The following GJA1 variants were observed in gnomAD, a reference collection of about 807,000 sequenced individuals.
GJA1 encodes the protein gap junction alpha-1 protein.
GJA1 carries 9 observed loss-of-function variants against 31.0 expected under a neutral mutation model. The observed-to-expected ratio is 0.29, with a 90% CI of 0.17 to 0.51. The LOEUF (loss-of-function observed/expected upper bound fraction) is 0.51. Ranked by LOEUF, GJA1 falls within the 20% of genes least tolerant of loss-of-function variation. The probability of loss-of-function intolerance (pLI) is 0.98; values close to 1 mark genes in which losing one functional copy is unlikely to be tolerated. For missense variants in GJA1, 278 were observed against 468.8 expected, an observed-to-expected ratio of 0.59 and a Z score of 3.76; for synonymous variants, 186 against 180.1, an observed-to-expected ratio of 1.03 and a Z score of -0.26.
At chr6:121,444,153 A>G (rs1409498574) in intron 1 of GJA1, among the ~76,000 whole-genome samples, 1 of 152,044 alleles carries the variant, frequency 6.6e-6, no homozygotes, top group Non-Finnish European at 1.5e-5. Context: ...TTCCTTGGCT[A>G]TTCAACTGTC....
At chr6:121,436,140 T>C (rs1217398597) in intron 1 of GJA1, among the ~76,000 whole-genome samples, 2 of 147,878 alleles carry the variant, frequency 1.4e-5, no homozygotes, top group African/African-American at 5.0e-5. Flanking sequence ...TATTTTGTTT[T>C]TTTTTTGTAA....
At chr6:121,445,561 A>G (rs1332420087) in intron 1 of GJA1, among the ~76,000 whole-genome samples, 2 of 144,626 alleles carry the variant, frequency 1.4e-5, no homozygotes, top group Non-Finnish European at 3.0e-5. Context: ...CCAGTAAGGG[A>G]ACTTTAAAGT....
intron 1 of GJA1, 137 bp from the exon 2 acceptor site, chr6:121,446,695 C>T (rs1476008031): frequency 2.8e-6 from 2 of 725,678 alleles, no homozygotes; most frequent in African/African-American, 3.5e-5. Context: ...GAAGAGTTTG[C>T]ACTTGGTTTT....
chr6:121,442,488 G>T (rs536118168), intron 1 of GJA1, among the ~76,000 whole-genome samples: 73 of 152,162 alleles, frequency 4.8e-4, no homozygotes, highest in Non-Finnish European at 9.7e-4. Context: ...CTCAATGCCG[G>T]GTGCCCAGAG....
chr6:121,440,785 G>T (rs1391796195), intron 1 of GJA1, among the ~76,000 whole-genome samples: 1 of 151,448 alleles, frequency 6.6e-6, no homozygotes, highest in East Asian at 2.0e-4. Context: ...TCTATCACCC[G>T]GGTTGGAGTG....
chr6:121,436,289 C>A (rs976461016), intron 1 of GJA1, among the ~76,000 whole-genome samples: 1 of 151,318 alleles, frequency 6.6e-6, no homozygotes, highest in Non-Finnish European at 1.5e-5. Context: ...TTCTACACTT[C>A]ATAGAATAAA....
At chr6:121,444,910 A>G (rs1031784208) in intron 1 of GJA1, among the ~76,000 whole-genome samples, 1 of 152,202 alleles carries the variant, frequency 6.6e-6, no homozygotes, top group Non-Finnish European at 1.5e-5. Flanking sequence ...AAGGTTGTGT[A>G]TATCAAAGCC....
At position 121,448,854 on chromosome 6, in the gene GJA1, A is replaced by AT. The variant is rs1338950203; in HGVS notation, c.*860dup. ...GAAGAGTTTGTTTTGTTTGTCATGT[A>AT]TTGGTACAAGCAGATACAGTATAAA... On this transcript the variant is annotated 3_prime_UTR_variant, in exon 2 of 2. Coordinates refer to ENST00000282561, the MANE Select transcript of GJA1 (RefSeq NM_000165.5). The AT allele has an allele frequency of 6.0e-6, 1 of 166,982 alleles. No homozygotes were observed. Among genetic ancestry groups the AT allele is most frequent in the African/African-American group, 2.4e-5 (1 of 41,430 alleles). 10.3% of individuals were successfully genotyped at this position (166,982 alleles called of 1,614,324 possible). A position where few individuals can be genotyped will look rare whatever the true frequency, so the allele number is the denominator to read the frequency against.
chr6:121,436,353 ACTT>A (rs1056001000), intron 1 of GJA1, among the ~76,000 whole-genome samples: 1 of 152,136 alleles, frequency 6.6e-6, no homozygotes, highest in East Asian at 1.9e-4. Flanking sequence ...TGCAAAGCCA[ACTT>A]CTTTTGTGAC....
At position 121,447,745 on chromosome 6, in the gene GJA1, A is replaced by G; in HGVS notation, c.898A>G (p.Asn300Asp). ...TGDRNNSSCR[N>D]YNKQASEQNW... ...CGACAGAAACAATTCTTCTTGCCGC[A>G]ATTACAACAAGCAAGCAAGTGAGCA... Residue 300 changes from asparagine to aspartate, a missense_variant, in exon 2 of 2, where the codon AAT (asparagine) becomes GAT (aspartate). Asn to Asp is a conservative substitution (Grantham distance 23, BLOSUM62 1). Around this residue, in one of 3 missense-constraint regions of GJA1, gnomAD observed 172 missense variants for 190.9 expected, o/e 0.90. Transcript: ENST00000282561. 6.2e-7 allele frequency: 1 copy of G among 1,614,080 alleles called. No individual in the cohort carries two copies. Among genetic ancestry groups the G allele is most frequent in the Admixed American group, 1.7e-5 (1 of 60,010 alleles).
intron 1 of GJA1, among the ~76,000 whole-genome samples, chr6:121,445,628 T>G (rs946692578): frequency 5.3e-5 from 8 of 152,114 alleles, no homozygotes; most frequent in Non-Finnish European, 1.2e-4. Flanking sequence ...CACCCTGAAG[T>G]AGGTTTTGTT....
Position 121,447,845 on chromosome 6 carries a change from A to T in GJA1, c.998A>T (p.Gln333Leu). Residue 333 changes from glutamine to leucine, a missense_variant, in exon 2 of 2, where the codon CAG becomes CTG. This residue lies in a region of GJA1 where 172 missense variants were observed against 190.9 expected (regional missense o/e 0.90). Transcript: ENST00000282561. Reference protein sequence around the residue: ...AGSTISNSHAQPFDFPDDNQN... With the variant: ...AGSTISNSHALPFDFPDDNQN... ...AGCACCATCTCTAACTCCCATGCAC[A>T]GCCTTTTGATTTCCCCGATGATAAC... The T allele has an allele frequency of 1.2e-6, 2 of 1,613,896 alleles. No individual in the cohort carries two copies. The highest frequency in any genetic ancestry group is 2.2e-5 in the East Asian group (1 of 44,876).
rs1773903054 is a variant in GJA1 at position 121,447,203 on chromosome 6, A to T, written c.356A>T (p.Asp119Val). Residue 119 changes from aspartate to valine, a missense_variant, in exon 2 of 2, where the codon GAT becomes GTT. Transcript: ENST00000282561. ...KEEELKVAQT[D>V]GVNVDMHLKQ... ...GAAGAACTCAAGGTTGCCCAAACTG[A>T]TGGTGTCAATGTGGACATGCACTTG... 1 of 1,614,034 alleles carries T rather than the reference A, an allele frequency of 6.2e-7. No individual in the cohort carries two copies. The highest frequency in any genetic ancestry group is 8.5e-7 in the Non-Finnish European group (1 of 1,179,920).
At chr6:121,437,730 A>G (rs1314693588) in intron 1 of GJA1, among the ~76,000 whole-genome samples, 1 of 151,894 alleles carries the variant, frequency 6.6e-6, no homozygotes, top group Admixed American at 6.6e-5. Flanking sequence ...CTCCAGGTAC[A>G]AAGTAGGGGT....
At chr6:121,437,999 C>G (rs575652598) in intron 1 of GJA1, among the ~76,000 whole-genome samples, 2 of 152,086 alleles carry the variant, frequency 1.3e-5, no homozygotes, top group Admixed American at 6.5e-5. Context: ...CCCCTCCCCC[C>G]CGCGCCAGGA....
intron 1 of GJA1, among the ~76,000 whole-genome samples, chr6:121,443,568 A>G (rs1234242133): frequency 3.3e-5 from 5 of 152,228 alleles, no homozygotes; most frequent in African/African-American, 1.2e-4. Flanking sequence ...TAGAATCTCA[A>G]AATTATATGA....
At chr6:121,438,829 T>C (rs1234039918) in intron 1 of GJA1, among the ~76,000 whole-genome samples, 1 of 151,034 alleles carries the variant, frequency 6.6e-6, no homozygotes, top group Non-Finnish European at 1.5e-5. Context: ...CTTAGCATAA[T>C]TGTCTAAACC....
At chr6:121,443,090 C>T (rs1773823316) in intron 1 of GJA1, among the ~76,000 whole-genome samples, 1 of 152,116 alleles carries the variant, frequency 6.6e-6, no homozygotes, top group South Asian at 2.1e-4. Flanking sequence ...TAGATCAATG[C>T]CAGGGATTCT....
chr6:121,436,011 T>G (rs1773655459), intron 1 of GJA1, among the ~76,000 whole-genome samples, 179 bp downstream of exon 1: 1 of 152,160 alleles, frequency 6.6e-6, no homozygotes, highest in South Asian at 2.1e-4. Flanking sequence ...CAAATATATA[T>G]TTTGACTGTT....
Sources: gnomAD v4.1 joint callset for allele counts (sites outside exome capture counted in the v4.1 genomes callset) on GRCh38, gnomAD v4.1.1 for gene constraint, gnomAD v4.1.1 regional missense constraint, MANE v1.5 for transcripts, NCBI Gene and HGNC (gene_info 2026-07-23, HGNC 2026-07-21) for gene names.